The following CDYL2 variants were observed in gnomAD, a reference collection of about 807,000 sequenced individuals.
The protein encoded by CDYL2 is chromodomain Y like 2.
In CDYL2, 23 loss-of-function variants were observed where a neutral mutation model predicts 49.4. The observed-to-expected ratio is 0.47, with a 90% CI of 0.34 to 0.66. The LOEUF is 0.66. CDYL2 is among the 30% of genes least tolerant of loss of function. CDYL2 has a pLI of 0.01. For missense variants in CDYL2, 678 were observed against 656.4 expected (o/e 1.03, Z -0.36); for synonymous variants, 360 against 268.8 (o/e 1.34, Z -3.32).
intron 1 of CDYL2, among the ~76,000 whole-genome samples, chr16:80,731,679 A>G (rs1396942977): frequency 6.6e-6 from 1 of 152,186 alleles, no homozygotes; most frequent in African/African-American, 2.4e-5. Flanking sequence ...ACTGGAAGCA[A>G]TCTTTCAAAA....
intron 1 of CDYL2, among the ~76,000 whole-genome samples, chr16:80,716,539 G>C (rs1352776310): frequency 6.6e-6 from 1 of 152,018 alleles, no homozygotes; most frequent in Non-Finnish European, 1.5e-5. Context: ...TGGATGAATA[G>C]ATGACTAAAT....
At chr16:80,751,628 A>G (rs987771813) in intron 1 of CDYL2, among the ~76,000 whole-genome samples, 1 of 152,248 alleles carries the variant, frequency 6.6e-6, no homozygotes, top group Admixed American at 6.5e-5. Flanking sequence ...AAAGTGCTCA[A>G]TGATTCTTAG....
At position 80,712,281 on chromosome 16, in the gene CDYL2, T is replaced by C. The variant is rs180798964; in HGVS notation, c.25-27152A>G. 4.3e-4 allele frequency among the ~76,000 whole-genome samples: 64 copies of C among 149,992 alleles called. No individual in the cohort carries two copies. The East Asian group carries it at 0.012, about 28-fold the overall frequency. The stretch of plus-strand genomic sequence containing the variant: ...TAAATTTGCGTATGTTTTAAAATAA[T>C]GTCCAGAGAGTCCCTGAAACGTAGC... On this transcript the variant is annotated intron_variant, in intron 1 of 6. Transcript: ENST00000570137.
At chr16:80,652,179 C>G (rs898776312) in intron 2 of CDYL2, among the ~76,000 whole-genome samples, 2 of 152,082 alleles carry the variant, frequency 1.3e-5, no homozygotes, top group African/African-American at 4.8e-5. Context: ...TAACACAATT[C>G]TCAATAAAAG....
chr16:80,758,213 G>C (rs1310114900), intron 1 of CDYL2, among the ~76,000 whole-genome samples: 1 of 152,064 alleles, frequency 6.6e-6, no homozygotes, highest in East Asian at 1.9e-4. Flanking sequence ...TTAATAATTA[G>C]TTACACAGAA....
chr16:80,684,694 T>A lies in CDYL2; in HGVS notation c.460A>T (p.Asn154Tyr), dbSNP rs1910109034. The A allele has an allele frequency of 1.2e-6, 2 of 1,614,162 alleles. No individual in the cohort carries two copies. The highest frequency in any genetic ancestry group is 3.3e-4 in the Middle Eastern group (2 of 6,062). The stretch of plus-strand genomic sequence containing the variant: ...CCGGCGTCCCCATTTTCCATCCCGT[T>A]CTGAGACTTTTTCAGGGGCATTATT... Reference protein sequence around the residue: ...LQIMPLKKSQNGMENGDAGSE... With the variant: ...LQIMPLKKSQYGMENGDAGSE... Residue 154 changes from asparagine to tyrosine, a missense_variant, in exon 2 of 7, where the codon AAC becomes TAC. Asn to Tyr is a moderately radical substitution (Grantham distance 143, BLOSUM62 -2). Coordinates refer to ENST00000570137, the MANE Select transcript of CDYL2 (RefSeq NM_152342.4).
In CDYL2 at chr16:80,752,889, G is replaced by A. The variant is rs150592059; in HGVS notation, c.24+51261C>T. Reference sequence around the variant, plus strand: ...CACACAAATGTGACAAAACCAGAGGGAATTCCTCAGGAAGAAGGAAATCTA... The same window carrying A: ...CACACAAATGTGACAAAACCAGAGGAAATTCCTCAGGAAGAAGGAAATCTA... On this transcript the variant is annotated intron_variant, in intron 1 of 6. Transcript: ENST00000570137. 1.7e-3 allele frequency among the ~76,000 whole-genome samples: 266 copies of A among 152,326 alleles called. 2 individuals carry two copies. Among genetic ancestry groups the A allele is most frequent in the African/African-American group, 6.2e-3 (259 of 41,576 alleles).
chr16:80,724,360 C>G (rs1905098977), intron 1 of CDYL2, among the ~76,000 whole-genome samples: 2 of 152,048 alleles, frequency 1.3e-5, no homozygotes, highest in Admixed American at 1.3e-4. Flanking sequence ...AGTAGAAGGA[C>G]CTAGAGAAAT....
At chr16:80,658,515 G>A (rs1223979209) in intron 2 of CDYL2, among the ~76,000 whole-genome samples, 1 of 152,102 alleles carries the variant, frequency 6.6e-6, no homozygotes, top group East Asian at 1.9e-4. Context: ...TTTATGAGTA[G>A]TTCAGGATTG....
chr16:80,663,516 GT>G (rs1347434318), intron 2 of CDYL2, among the ~76,000 whole-genome samples: 1 of 152,120 alleles, frequency 6.6e-6, no homozygotes, highest in Non-Finnish European at 1.5e-5. Context: ...TTTTAAGAAA[GT>G]TTAGGTTCTC....
intron 1 of CDYL2, among the ~76,000 whole-genome samples, chr16:80,714,995 G>A (rs1904747939): frequency 6.6e-6 from 1 of 152,112 alleles, no homozygotes; most frequent in Admixed American, 6.6e-5. Context: ...AAGGATCAGA[G>A]ACAGAATCCC....
At chr16:80,670,538 C>G (rs1909458405) in intron 2 of CDYL2, among the ~76,000 whole-genome samples, 1 of 152,092 alleles carries the variant, frequency 6.6e-6, no homozygotes, top group Non-Finnish European at 1.5e-5. Context: ...TCTTCATTAG[C>G]AACTTGAGAA....
chr16:80,675,361 T>C (rs1353747333), intron 2 of CDYL2, among the ~76,000 whole-genome samples: 1 of 152,204 alleles, frequency 6.6e-6, no homozygotes, highest in Admixed American at 6.5e-5. Flanking sequence ...CTTGTTATGT[T>C]GCTATGTTGT....
intron 1 of CDYL2, among the ~76,000 whole-genome samples, chr16:80,709,390 A>AG (rs1305559120): frequency 6.6e-6 from 1 of 151,980 alleles, no homozygotes; most frequent in East Asian, 1.9e-4. Context: ...TCAAAAAAAA[A>AG]AAAAAAAGAA....
chr16:80,692,266 A>T (rs907057126), intron 1 of CDYL2, among the ~76,000 whole-genome samples: 1 of 152,222 alleles, frequency 6.6e-6, no homozygotes, highest in Non-Finnish European at 1.5e-5. Flanking sequence ...CAAAAAACTG[A>T]ATTATCTGCC....
chr16:80,684,497 C>T (rs1043342205), intron 2 of CDYL2, 41 bp downstream of exon 2: 2 of 1,574,082 alleles, frequency 1.3e-6, no homozygotes, highest in African/African-American at 2.7e-5. Flanking sequence ...CCCCTTTCGC[C>T]ATGGCCAGAG....
chr16:80,672,637 G>A (rs1237978503), intron 2 of CDYL2, among the ~76,000 whole-genome samples: 3 of 146,672 alleles, frequency 2.0e-5, no homozygotes, highest in East Asian at 4.2e-4. Context: ...AAGGAAGAAA[G>A]AGGACCACAA....
chr16:80,685,217 G>T, intron 1 of CDYL2, 88 bp from the exon 2 acceptor site: 1 of 1,041,736 alleles, frequency 9.6e-7, no homozygotes, highest in Middle Eastern at 2.2e-4. Context: ...TAAAGCCTTT[G>T]GGATAGAGGC....
chr16:80,788,416 T>G (rs966216779), intron 1 of CDYL2, among the ~76,000 whole-genome samples: 2 of 152,244 alleles, frequency 1.3e-5, no homozygotes, highest in Admixed American at 6.5e-5. Context: ...AGCTGCCCTG[T>G]GCAATCCCTC....
Sources: allele counts gnomAD v4.1 joint callset (sites outside exome capture counted in the v4.1 genomes callset), GRCh38; gene constraint gnomAD v4.1.1; transcripts MANE v1.5; gene names NCBI Gene and HGNC (gene_info 2026-07-23, HGNC 2026-07-21).